Variants in TASP1 observed in about 807,000 individuals in gnomAD.
TASP1 encodes taspase 1.
In TASP1, 16 loss-of-function variants were observed where a neutral mutation model predicts 56.6. That is an observed-to-expected ratio of 0.28 (90% CI 0.19 to 0.43). The LOEUF (loss-of-function observed/expected upper bound fraction) is 0.43, where lower values mean the gene tolerates loss of function less well. Among genes scored for constraint, TASP1 ranks in the 20% least tolerant of loss-of-function variants. The pLI is 1.00. For synonymous variants in TASP1, 179 were observed against 184.2 expected, an observed-to-expected ratio of 0.97 and a Z score of 0.23; for missense variants, 393 against 511.6, an observed-to-expected ratio of 0.77 and a Z score of 2.24.
chr20:13,542,672 G>C (rs1377988518), intron 8 of TASP1, among the ~76,000 whole-genome samples: 2 of 151,314 alleles, frequency 1.3e-5, no homozygotes, highest in African/African-American at 2.4e-5. Context: ...AATTAACTTA[G>C]GAGTCAATAA....
At chr20:13,383,011 C>T in the TASP1 span, among the ~76,000 whole-genome samples, 1 of 152,120 alleles carries the variant, frequency 6.6e-6, no homozygotes, top group Non-Finnish European at 1.5e-5. Context: ...CTGGAAAGTG[C>T]TTTCCAAGCA....
the TASP1 span, among the ~76,000 whole-genome samples, chr20:13,205,085 A>G: frequency 6.6e-6 from 1 of 152,114 alleles, no homozygotes; most frequent in Non-Finnish European, 1.5e-5. Context: ...GGAACCATAA[A>G]TCAGGTCAAA....
the TASP1 span, among the ~76,000 whole-genome samples, chr20:13,272,703 A>G: frequency 6.6e-6 from 1 of 152,238 alleles, no homozygotes; most frequent in Non-Finnish European, 1.5e-5. Context: ...TTTGGCTCCA[A>G]TGGCCCCTCT....
chr20:13,411,549 G>C (rs1000560609), intron 13 of TASP1, among the ~76,000 whole-genome samples: 3 of 152,098 alleles, frequency 2.0e-5, no homozygotes, highest in Non-Finnish European at 4.4e-5. Context: ...ATTGTAAATG[G>C]TGTTGCCTTC....
intron 11 of TASP1, among the ~76,000 whole-genome samples, chr20:13,478,502 T>C (rs1035475978): frequency 2.0e-5 from 3 of 152,100 alleles, no homozygotes; most frequent in Non-Finnish European, 1.5e-5. Context: ...TTCTCACTTA[T>C]AGATGGGAGC....
chr20:13,546,938 T>C (rs1366049934), intron 8 of TASP1, among the ~76,000 whole-genome samples: 1 of 152,224 alleles, frequency 6.6e-6, no homozygotes, highest in Non-Finnish European at 1.5e-5. Context: ...TAAAACAAGC[T>C]TAGTTTTTAG....
At chr20:13,163,416 C>T in the TASP1 span, among the ~76,000 whole-genome samples, 2 of 150,900 alleles carry the variant, frequency 1.3e-5, no homozygotes, top group African/African-American at 4.9e-5. Context: ...TTTCCTCCTG[C>T]ATCCTCCATA....
At chr20:13,160,908 C>T in the TASP1 span, among the ~76,000 whole-genome samples, 1 of 152,106 alleles carries the variant, frequency 6.6e-6, no homozygotes, top group Non-Finnish European at 1.5e-5. Context: ...GGCTTTTGAG[C>T]CAGGCCTTTT....
the TASP1 span, among the ~76,000 whole-genome samples, chr20:13,136,467 G>A: frequency 2.0e-5 from 3 of 151,772 alleles, no homozygotes; most frequent in Admixed American, 6.6e-5. Flanking sequence ...GGCGGTGGTG[G>A]CAGACACCTG....
At chr20:13,292,367 T>C in the TASP1 span, 1 of 1,580,670 alleles carries the variant, frequency 6.3e-7, no homozygotes, top group East Asian at 2.3e-5. Context: ...CTCTTGTCTG[T>C]GTTTAGGAAT....
intron 4 of TASP1, among the ~76,000 whole-genome samples, chr20:13,611,189 T>C (rs2048337367): frequency 6.6e-6 from 1 of 152,206 alleles, no homozygotes; most frequent in Admixed American, 6.5e-5. Context: ...TCAAGATAAA[T>C]GATGTTGGAA....
chr20:13,286,591 C>G, the TASP1 span, among the ~76,000 whole-genome samples: 1 of 152,030 alleles, frequency 6.6e-6, no homozygotes, highest in Non-Finnish European at 1.5e-5. Flanking sequence ...CCTCGGGGGG[C>G]AGATAAGATG....
chr20:13,279,831 C>T, the TASP1 span: 5 of 1,613,990 alleles, frequency 3.1e-6, no homozygotes, highest in African/African-American at 4.0e-5. Context: ...TCCTCAACCC[C>T]CCCAGGGGGT....
chr20:13,229,496 A>G, the TASP1 span, among the ~76,000 whole-genome samples: 4 of 152,218 alleles, frequency 2.6e-5, no homozygotes, highest in Non-Finnish European at 4.4e-5. Context: ...TGTGTGTATC[A>G]GTAGATTTCT....
At chr20:13,377,322 T>C in the TASP1 span, among the ~76,000 whole-genome samples, 1 of 152,252 alleles carries the variant, frequency 6.6e-6, no homozygotes, top group African/African-American at 2.4e-5. Context: ...CTGCATCTGT[T>C]GAGACAATCA....
chr20:13,562,968 G>A (rs552967956), intron 7 of TASP1, among the ~76,000 whole-genome samples: 20 of 134,114 alleles, frequency 1.5e-4, no homozygotes, highest in Middle Eastern at 3.8e-3. Context: ...GTATACGTGC[G>A]TATGTATGTG....
the TASP1 span, among the ~76,000 whole-genome samples, chr20:13,255,925 GTT>G: frequency 0.01 from 1,507 of 148,022 alleles, 27 homozygotes; most frequent in African/African-American, 0.035. Flanking sequence ...AGTTCCTGGG[GTT>G]TTTTTTTTTG....
chr20:13,142,564 G>C, the TASP1 span, among the ~76,000 whole-genome samples: 1 of 152,146 alleles, frequency 6.6e-6, no homozygotes, highest in Non-Finnish European at 1.5e-5. Flanking sequence ...GATTGTATTT[G>C]CTTTCTATTT....
chr20:13,105,386 A>G, the TASP1 span, among the ~76,000 whole-genome samples: 2 of 152,208 alleles, frequency 1.3e-5, no homozygotes, highest in Non-Finnish European at 2.9e-5. Flanking sequence ...AGTCAAACAC[A>G]ACGAAGTCCC....
Sources: allele counts gnomAD v4.1 joint callset (sites outside exome capture counted in the v4.1 genomes callset), GRCh38; gene constraint gnomAD v4.1.1; transcripts MANE v1.5; gene names NCBI Gene and HGNC (gene_info 2026-07-23, HGNC 2026-07-21).